COL4A1: variants seen among roughly 807,000 people sequenced by gnomAD.
The protein encoded by COL4A1 is collagen alpha-1(IV) chain.
In COL4A1, 40 loss-of-function variants were observed where a neutral mutation model predicts 216.6. The observed-to-expected ratio is 0.18, with a 90% CI of 0.14 to 0.24. COL4A1 has a LOEUF of 0.24. Ranked by LOEUF, COL4A1 falls within the 10% of genes least tolerant of loss-of-function variation. The pLI, the probability that COL4A1 is intolerant of heterozygous loss-of-function variation, is 1.00. For synonymous variants in COL4A1, 839 were observed against 810.7 expected, an observed-to-expected ratio of 1.03 and a Z score of -0.59; for missense variants, 1,628 against 2,196.8, an observed-to-expected ratio of 0.74 and a Z score of 5.18.
intron 45 of COL4A1, among the ~76,000 whole-genome samples, chr13:110,165,465 G>C (rs892724661): frequency 1.3e-5 from 2 of 152,066 alleles, no homozygotes; most frequent in African/African-American, 4.8e-5. Flanking sequence ...TGCATGGCAA[G>C]TCTTGGCATG....
At chr13:110,210,483 C>G (rs1251572355) in intron 8 of COL4A1, among the ~76,000 whole-genome samples, 2 of 149,838 alleles carry the variant, frequency 1.3e-5, no homozygotes, top group Non-Finnish European at 3.0e-5. Context: ...CCACACTGCC[C>G]GAGGACCACC....
chr13:110,250,255 T>TAA (rs1316594027), intron 1 of COL4A1, among the ~76,000 whole-genome samples: 1 of 151,886 alleles, frequency 6.6e-6, no homozygotes, highest in Non-Finnish European at 1.5e-5. Flanking sequence ...TTCTAATATG[T>TAA]AACATGTCTC....
Position 110,211,642 on chromosome 13 carries a change from T to G in COL4A1, c.468+5A>C. 8 of 1,611,070 alleles carry G rather than the reference T, an allele frequency of 5.0e-6. No homozygotes were observed. Among genetic ancestry groups the G allele is most frequent in the African/African-American group, 1.3e-5 (1 of 74,608 alleles). On this transcript the variant is annotated splice_donor_5th_base_variant and intron_variant, in intron 8 of 51. Coordinates refer to ENST00000375820, the MANE Select transcript of COL4A1 (RefSeq NM_001845.6). The surrounding 1 kb of genome is among the most constrained non-coding windows in gnomAD (Gnocchi z 4.3). ...TCCAATAAAGCAAAATAAAATAAAA[T>G]GTACCTTCATCCCTGGTAAGCCTGG...
At chr13:110,191,489 G>C (rs1160536470) in intron 24 of COL4A1, 1 of 463,618 alleles carries the variant, frequency 2.2e-6, no homozygotes, top group Non-Finnish European at 3.8e-6. Flanking sequence ...TTATATGCAA[G>C]AAAATAATGT....
intron 26 of COL4A1, among the ~76,000 whole-genome samples, chr13:110,183,753 C>T (rs1210015390): frequency 6.6e-6 from 1 of 152,198 alleles, no homozygotes; most frequent in East Asian, 1.9e-4. Flanking sequence ...ACGAACGATC[C>T]ATTATCTGTA....
At chr13:110,204,108 G>A (rs1439375155) in intron 17 of COL4A1, among the ~76,000 whole-genome samples, 1 of 152,120 alleles carries the variant, frequency 6.6e-6, no homozygotes, top group East Asian at 1.9e-4. Context: ...AACATTAGTG[G>A]ATAAATTCTG....
chr13:110,297,124 C>T (rs1196879235), intron 1 of COL4A1, among the ~76,000 whole-genome samples: 1 of 152,188 alleles, frequency 6.6e-6, no homozygotes, highest in Non-Finnish European at 1.5e-5. Context: ...ACTCAACCTC[C>T]TACACGGCCC....
At position 110,211,675 on chromosome 13, in the gene COL4A1, TA is replaced by T. The variant is rs781543092; in HGVS notation, c.442-3del. 3 of 1,610,840 alleles carry T rather than the reference TA, an allele frequency of 1.9e-6. No individual in the cohort carries two copies. Among genetic ancestry groups the T allele is most frequent in the Admixed American group, 1.7e-5 (1 of 59,680 alleles). ...CATCCCTGGTAAGCCTGGTGGTCCC[TA>T]AAAAAGAAAGTTTTGGTGTTAGTTT... is the stretch of plus-strand genomic sequence containing the variant. On this transcript the variant is annotated splice_region_variant and splice_polypyrimidine_tract_variant and intron_variant, in intron 7 of 51. Coordinates refer to ENST00000375820, the MANE Select transcript of COL4A1 (RefSeq NM_001845.6). This position sits in a 1 kb window ranked among gnomAD's most constrained non-coding sequence, Gnocchi z 4.3.
chr13:110,160,977 G>T, intron 49 of COL4A1: 1 of 597,916 alleles, frequency 1.7e-6, no homozygotes, highest in Non-Finnish European at 2.9e-6. Context: ...CCAAAGTGTT[G>T]GGATTACGGG....
intron 2 of COL4A1, among the ~76,000 whole-genome samples, chr13:110,216,226 A>T (rs1349127664): frequency 6.6e-6 from 1 of 152,170 alleles, no homozygotes; most frequent in Non-Finnish European, 1.5e-5. Context: ...AAGGAAAAAC[A>T]TTCCCAGACC....
chr13:110,193,674 A>G (rs73611453), intron 22 of COL4A1, among the ~76,000 whole-genome samples: 3,216 of 152,348 alleles, frequency 0.021, 89 homozygotes, highest in African/African-American at 0.068. Flanking sequence ...GCAGCCGCAC[A>G]CGGGCACTGC....
At chr13:110,154,246 G>A (rs980400735) in intron 50 of COL4A1, among the ~76,000 whole-genome samples, 3 of 152,310 alleles carry the variant, frequency 2.0e-5, no homozygotes, top group Admixed American at 6.5e-5. Context: ...ACAAGTTCAC[G>A]GCTTGTATAT....
At chr13:110,280,848 T>C (rs1883602877) in intron 1 of COL4A1, among the ~76,000 whole-genome samples, 1 of 152,234 alleles carries the variant, frequency 6.6e-6, no homozygotes, top group Non-Finnish European at 1.5e-5. Flanking sequence ...ACACATGTTA[T>C]GAAATACATC....
intron 2 of COL4A1, among the ~76,000 whole-genome samples, chr13:110,240,875 G>C (rs75418023): frequency 0.11 from 16,786 of 152,154 alleles, 1,105 homozygotes; most frequent in South Asian, 0.17. Context: ...TTTGGTTTTT[G>C]GTTTTTGGTT....
In COL4A1 at chr13:110,176,940, C is replaced by T. The variant is rs1877915883; in HGVS notation, c.2814G>A (p.Met938Ile). ...TCATGCTGCCCATGTCCACCTTATCCATGGAGCCAGGCTTGCCAGGGAGAC... is the reference window on the plus strand; with the variant it reads ...TCATGCTGCCCATGTCCACCTTATCTATGGAGCCAGGCTTGCCAGGGAGAC... Reference protein sequence around the residue: ...DVGLPGKPGSMDKVDMGSMKG... With the variant: ...DVGLPGKPGSIDKVDMGSMKG... The change falls in exon 34 of 52, where the codon ATG becomes ATA. Residue 938 changes from methionine (M) to isoleucine (I), a missense_variant. Transcript: ENST00000375820. The T allele has an allele frequency of 1.2e-6, 2 of 1,614,078 alleles. No individual in the cohort carries two copies. Among genetic ancestry groups the T allele is most frequent in the Non-Finnish European group, 1.7e-6 (2 of 1,180,052 alleles).
chr13:110,267,905 T>C (rs1297906606), intron 1 of COL4A1, among the ~76,000 whole-genome samples: 2 of 152,134 alleles, frequency 1.3e-5, no homozygotes, highest in Admixed American at 6.5e-5. Context: ...ATAAAAAATA[T>C]GTAGGTCAGG....
chr13:110,193,175 C>T (rs980671497), intron 22 of COL4A1, among the ~76,000 whole-genome samples: 1 of 152,232 alleles, frequency 6.6e-6, no homozygotes, highest in South Asian at 2.1e-4. Context: ...CTTAAAGATC[C>T]AAGTTCTTCT....
intron 2 of COL4A1, among the ~76,000 whole-genome samples, chr13:110,230,969 A>G (rs1051436441): frequency 2.0e-5 from 3 of 152,194 alleles, no homozygotes; most frequent in Admixed American, 2.0e-4. Flanking sequence ...CCCAATCAGG[A>G]GGCAGAACCC....
At chr13:110,293,110 C>T (rs1287481887) in intron 1 of COL4A1, among the ~76,000 whole-genome samples, 3 of 152,200 alleles carry the variant, frequency 2.0e-5, no homozygotes, top group African/African-American at 4.8e-5. Context: ...TCAAGGTCAC[C>T]GTGCAGGAAC....
Sources: gnomAD v4.1 joint callset for allele counts (sites outside exome capture counted in the v4.1 genomes callset) on GRCh38, gnomAD v4.1.1 for gene constraint, Gnocchi (gnomAD v3.1) non-coding constraint, MANE v1.5 for transcripts, NCBI Gene and HGNC (gene_info 2026-07-23, HGNC 2026-07-21) for gene names.